The following CHRM3 variants were observed in gnomAD, a reference collection of about 807,000 sequenced individuals.
CHRM3 encodes cholinergic receptor muscarinic 3.
A neutral mutation model predicts 41.8 loss-of-function variants in CHRM3; 11 were observed. The observed-to-expected ratio is 0.26, with a 90% confidence interval of 0.17 to 0.44. The LOEUF is 0.44. Ranked by LOEUF, CHRM3 falls within the 20% of genes least tolerant of loss-of-function variation. CHRM3 has a pLI of 1.00. For missense variants in CHRM3, 571 were observed against 745.4 expected, an observed-to-expected ratio of 0.77 and a Z score of 2.72; for synonymous variants, 297 against 301.4, an observed-to-expected ratio of 0.99 and a Z score of 0.15.
At chr1:239,729,809 G>C (rs1353926634) in intron 5 of CHRM3, among the ~76,000 whole-genome samples, 1 of 151,912 alleles carries the variant, frequency 6.6e-6, no homozygotes, top group Non-Finnish European at 1.5e-5. Flanking sequence ...ATAACATAGT[G>C]TGAAAACTTT....
At chr1:239,710,913 CCTT>C (rs1231969144) in intron 5 of CHRM3, among the ~76,000 whole-genome samples, 2 of 151,992 alleles carry the variant, frequency 1.3e-5, no homozygotes, top group Non-Finnish European at 2.9e-5. Context: ...AAGCCTGTCT[CCTT>C]CTTTCCCAGC....
chr1:239,761,878 T>A (rs1262808685), intron 5 of CHRM3, among the ~76,000 whole-genome samples: 1 of 152,230 alleles, frequency 6.6e-6, no homozygotes, highest in Non-Finnish European at 1.5e-5. Flanking sequence ...CCCTGCTGAC[T>A]CTAGCCCCCT....
At chr1:239,657,854 T>G (rs1007867869) in intron 4 of CHRM3, among the ~76,000 whole-genome samples, 16 of 152,176 alleles carry the variant, frequency 1.1e-4, no homozygotes, top group Non-Finnish European at 2.4e-4. Flanking sequence ...ATTTATCTCT[T>G]ATGTAATTAG....
chr1:239,640,403 T>C (rs1256220546), intron 4 of CHRM3, among the ~76,000 whole-genome samples: 1 of 152,124 alleles, frequency 6.6e-6, no homozygotes, highest in African/African-American at 2.4e-5. Context: ...CCTGGACTCT[T>C]TTTGGTTGGT....
chr1:239,785,305 G>C (rs774009334), intron 5 of CHRM3, among the ~76,000 whole-genome samples: 2 of 152,202 alleles, frequency 1.3e-5, no homozygotes, highest in African/African-American at 4.8e-5. Context: ...GTATAGATCA[G>C]CTGAAATTCA....
chr1:239,493,584 A>G (rs140451830), intron 2 of CHRM3, among the ~76,000 whole-genome samples: 3 of 152,330 alleles, frequency 2.0e-5, no homozygotes, highest in Non-Finnish European at 2.9e-5. Flanking sequence ...CAAGCACACA[A>G]TAGGGATATC....
rs112599298 is a variant in CHRM3 at position 239,554,104 on chromosome 1, G to C, written c.-313+8355G>C. ...AGGTTTCACCATGTTGGCCAGTCTGGTCTCGAATGCCTGGCCTCAAGTGAT... is the reference window on the plus strand; with the variant it reads ...AGGTTTCACCATGTTGGCCAGTCTGCTCTCGAATGCCTGGCCTCAAGTGAT... On this transcript the variant is annotated intron_variant, in intron 3 of 6. Coordinates refer to ENST00000676153, the MANE Select transcript of CHRM3 (RefSeq NM_001375978.1). Among the ~76,000 whole-genome samples the C allele has an allele frequency of 8.6e-3, 1,313 of 152,190 alleles. 41 individuals carry two copies. In the East Asian group the frequency reaches 0.11, roughly 13 times the overall value.
At chr1:239,826,418 C>CAG (rs1268571257) in intron 5 of CHRM3, among the ~76,000 whole-genome samples, 1 of 151,886 alleles carries the variant, frequency 6.6e-6, no homozygotes, top group African/African-American at 2.4e-5. Context: ...CTACCTAAGA[C>CAG]AGAGAGAGAG....
At chr1:239,736,204 A>G (rs997884305) in intron 5 of CHRM3, among the ~76,000 whole-genome samples, 2 of 152,112 alleles carry the variant, frequency 1.3e-5, no homozygotes, top group Non-Finnish European at 2.9e-5. Context: ...TATTGCAGGC[A>G]GATATGTCAT....
chr1:239,501,933 A>T (rs954498273), intron 2 of CHRM3, among the ~76,000 whole-genome samples: 1 of 152,164 alleles, frequency 6.6e-6, no homozygotes, highest in Non-Finnish European at 1.5e-5. Flanking sequence ...AGGCGGTGCT[A>T]AGAGGAAAGT....
intron 4 of CHRM3, among the ~76,000 whole-genome samples, chr1:239,649,793 T>G (rs1672074510): frequency 6.6e-6 from 1 of 152,274 alleles, no homozygotes; most frequent in East Asian, 1.9e-4. Context: ...GCAGAGTTCA[T>G]GGGCACAGAT....
At chr1:239,435,428 G>A (rs1422637298) in intron 1 of CHRM3, among the ~76,000 whole-genome samples, 5 of 148,892 alleles carry the variant, frequency 3.4e-5, no homozygotes, top group Admixed American at 2.7e-4. Context: ...CAGCCTGGGC[G>A]ACAGAGCGAG....
chr1:239,805,337 T>TTCGCCATTTCACTCGGGACC (rs1670546269), intron 5 of CHRM3, among the ~76,000 whole-genome samples: 1 of 152,222 alleles, frequency 6.6e-6, no homozygotes, highest in Non-Finnish European at 1.5e-5. Context: ...TGGAGCTAAG[T>TTCGCCATTTCACTCGGGACC]TCGCCATTTC....
chr1:239,695,084 C>T (rs1011909575), intron 5 of CHRM3, among the ~76,000 whole-genome samples: 5 of 152,192 alleles, frequency 3.3e-5, no homozygotes, highest in South Asian at 2.1e-4. Flanking sequence ...CATCTCAGCT[C>T]GCTGCAACCT....
intron 3 of CHRM3, among the ~76,000 whole-genome samples, chr1:239,577,324 A>T (rs1051311044): frequency 2.6e-5 from 4 of 151,976 alleles, no homozygotes; most frequent in Non-Finnish European, 5.9e-5. Flanking sequence ...TAATTTTTTT[A>T]AATAAAAAAT....
rs532112335 is a variant in CHRM3 at position 239,479,325 on chromosome 1, C to A, written c.-520-13384C>A. ...AAAACCACACTGTATGCGTTATAGT[C>A]GAAATGCTATAACCAAAGATGAGAA... On this transcript the variant is annotated intron_variant, in intron 1 of 6. Coordinates refer to ENST00000676153, the MANE Select transcript of CHRM3 (RefSeq NM_001375978.1). Among the ~76,000 whole-genome samples, 4 of 151,792 alleles carry A rather than the reference C, an allele frequency of 2.6e-5. No individual in the cohort carries two copies. The South Asian group carries it at 8.3e-4, about 32-fold the overall frequency.
intron 3 of CHRM3, among the ~76,000 whole-genome samples, chr1:239,549,221 G>T (rs969881260): frequency 6.6e-6 from 1 of 152,066 alleles, no homozygotes; most frequent in Non-Finnish European, 1.5e-5. Context: ...ATGAGATTTT[G>T]GTGGGGACAC....
intron 1 of CHRM3, among the ~76,000 whole-genome samples, chr1:239,434,593 C>T (rs1245831864): frequency 2.0e-5 from 3 of 152,156 alleles, no homozygotes; most frequent in Non-Finnish European, 4.4e-5. Context: ...TTATTTACCA[C>T]TCTCCCAGTA....
At chr1:239,578,360 T>C (rs1662567011) in intron 3 of CHRM3, among the ~76,000 whole-genome samples, 1 of 152,194 alleles carries the variant, frequency 6.6e-6, no homozygotes, top group African/African-American at 2.4e-5. Context: ...TACAGAGATA[T>C]ACTACATATA....
Sources: allele counts gnomAD v4.1 joint callset (sites outside exome capture counted in the v4.1 genomes callset), GRCh38; gene constraint gnomAD v4.1.1; transcripts MANE v1.5; gene names NCBI Gene and HGNC (gene_info 2026-07-23, HGNC 2026-07-21).